Variants in ZNF160 observed in about 807,000 individuals in gnomAD.
ZNF160 encodes the protein zinc finger protein 160, also known as KRAB zinc finger protein KR18.
A neutral mutation model predicts 13.1 loss-of-function variants in ZNF160; 9 were observed. The observed-to-expected ratio is 0.69, with a 90% confidence interval of 0.41 to 1.20. The LOEUF is 1.20. ZNF160 is among the 50% of genes most tolerant of loss of function. The pLI is 0.01. For synonymous variants in ZNF160, 293 were observed against 333.2 expected, an observed-to-expected ratio of 0.88 and a Z score of 1.31; for missense variants, 838 against 988.0, an observed-to-expected ratio of 0.85 and a Z score of 2.04.
At position 53,077,817 on chromosome 19, in the gene ZNF160, G is replaced by A. The variant is rs138703981; in HGVS notation, c.16-2634C>T. ...ACAATAAGACTCCTAAAGTTGCTCA[G>A]TGTATTAAGACAGTACTCATAAACA... On this transcript the variant is annotated intron_variant, in intron 3 of 5. Coordinates refer to ENST00000683776, the MANE Select transcript of ZNF160 (RefSeq NM_001322131.2). 0.013 allele frequency among the ~76,000 whole-genome samples: 1,946 copies of A among 151,968 alleles called. 27 individuals are homozygous for A. In the Middle Eastern group the frequency reaches 0.14, roughly 11 times the overall value.
chr19:53,082,501 C>A (rs2084671067), intron 3 of ZNF160, among the ~76,000 whole-genome samples: 1 of 151,820 alleles, frequency 6.6e-6, no homozygotes, highest in Non-Finnish European at 1.5e-5. Flanking sequence ...TACAATGAAA[C>A]CTCATCTCTA....
chr19:53,070,347 A>T, intron 5 of ZNF160, 85 bp from the exon 6 acceptor site: 1 of 1,303,126 alleles, frequency 7.7e-7, no homozygotes, highest in East Asian at 2.6e-5. Context: ...TTCCACCAAA[A>T]GTAATACTTA....
Position 53,069,442 on chromosome 19 carries a change from A to T in ZNF160, c.1092T>A (p.Thr364=). Residue 364 remains threonine (T), a synonymous_variant, in exon 6 of 6, where the codon ACT becomes ACA. Transcript: ENST00000683776. This position sits in a 1 kb window ranked among gnomAD's most constrained non-coding sequence, Gnocchi z 4.4. ...SNLTTHQLIH[T]GEKPFKCNEC... is the part of the protein sequence containing the mutation. Reference sequence around the variant, plus strand: ...CATTACATTTGAACGGTTTTTCTCCAGTATGAATTAACTGATGGGTAGTTA... The same window carrying T: ...CATTACATTTGAACGGTTTTTCTCCTGTATGAATTAACTGATGGGTAGTTA... 1.1e-5 allele frequency: 18 copies of T among 1,614,120 alleles called. No homozygotes were observed. Among genetic ancestry groups the T allele is most frequent in the Non-Finnish European group, 1.5e-5 (18 of 1,180,018 alleles).
In ZNF160 at chr19:53,070,120, C is replaced by T. The variant is rs749691719; in HGVS notation, c.414G>A (p.Val138=). The T allele has an allele frequency of 6.2e-7, 1 of 1,614,120 alleles. No individual in the cohort carries two copies. Among genetic ancestry groups the T allele is most frequent in the South Asian group, 1.1e-5 (1 of 91,082 alleles). ...CTCTCCATTGACACTCAAAATCATGCACATTTTTCTGGGGTTCCTTGAAGG... is the reference window on the plus strand; with the variant it reads ...CTCTCCATTGACACTCAAAATCATGTACATTTTTCTGGGGTTCCTTGAAGG... ...DFSFKEPQKN[V]HDFECQWRDD... is the part of the protein sequence containing the mutation. Residue 138 remains valine, a synonymous_variant, in exon 6 of 6, where the codon GTG becomes GTA. Transcript: ENST00000683776.
chr19:53,071,556 A>AAAC (rs1555761937), intron 5 of ZNF160, among the ~76,000 whole-genome samples: 5 of 149,862 alleles, frequency 3.3e-5, no homozygotes, highest in African/African-American at 1.3e-4. Context: ...AAAAAAAAAA[A>AAAC]AAAGGCTGAG....
At chr19:53,100,392 C>T (rs1219202205) in intron 1 of ZNF160, among the ~76,000 whole-genome samples, 2 of 148,048 alleles carry the variant, frequency 1.4e-5, no homozygotes, top group Non-Finnish European at 1.5e-5. Context: ...GGGTGGATCA[C>T]GAGGTCAGGA....
At chr19:53,079,004 G>A (rs894785292) in intron 3 of ZNF160, among the ~76,000 whole-genome samples, 5 of 152,106 alleles carry the variant, frequency 3.3e-5, no homozygotes, top group Admixed American at 2.6e-4. Flanking sequence ...GGAAACAAAA[G>A]TGTAAGATAT....
At chr19:53,080,632 A>T (rs935503054) in intron 3 of ZNF160, among the ~76,000 whole-genome samples, 1 of 152,200 alleles carries the variant, frequency 6.6e-6, no homozygotes, top group Non-Finnish European at 1.5e-5. Flanking sequence ...AATATCAATG[A>T]AATGTCCAAA....
chr19:53,092,611 C>T (rs1444633085), intron 1 of ZNF160, among the ~76,000 whole-genome samples: 1 of 152,080 alleles, frequency 6.6e-6, no homozygotes, highest in Non-Finnish European at 1.5e-5. Flanking sequence ...ACCATGCTGG[C>T]TGGATATTCT....
chr19:53,079,245 A>C (rs1457413437), intron 3 of ZNF160, among the ~76,000 whole-genome samples: 1 of 152,116 alleles, frequency 6.6e-6, no homozygotes, highest in East Asian at 1.9e-4. Context: ...AATTCAACAT[A>C]GTTCATGATA....
At position 53,068,054 on chromosome 19, in the gene ZNF160, T is replaced by C. The variant is rs1403303346; in HGVS notation, c.*23A>G. 1.3e-6 allele frequency: 2 copies of C among 1,567,976 alleles called. No homozygotes were observed. Among genetic ancestry groups the C allele is most frequent in the Admixed American group, 1.8e-5 (1 of 55,256 alleles). On this transcript the variant is annotated 3_prime_UTR_variant, in exon 6 of 6. Transcript: ENST00000683776. ...ATTAACTGATGTGAAAGGAGTGAATTGTACCTAATGACCTCACCACACTCA... is the reference window on the plus strand; with the variant it reads ...ATTAACTGATGTGAAAGGAGTGAATCGTACCTAATGACCTCACCACACTCA...
rs574904344 is a variant in ZNF160, at chr19:53,071,837, A to G, written c.272-1575T>C. 1.1e-4 allele frequency among the ~76,000 whole-genome samples: 16 copies of G among 152,270 alleles called. No individual in the cohort carries two copies. In the East Asian group the frequency reaches 2.7e-3, roughly 26 times the overall value. On this transcript the variant is annotated intron_variant, in intron 5 of 5. Coordinates refer to ENST00000683776, the MANE Select transcript of ZNF160 (RefSeq NM_001322131.2). ...TCTCAATTGAAGAAAAATAAGTTAT[A>G]CACATTTAAAGCATATTCATTATGT...
chr19:53,081,352 C>T (rs1314900956), intron 3 of ZNF160, among the ~76,000 whole-genome samples: 1 of 152,094 alleles, frequency 6.6e-6, no homozygotes, highest in Non-Finnish European at 1.5e-5. Flanking sequence ...AAAATACTTG[C>T]AAACTACGCA....
intron 1 of ZNF160, among the ~76,000 whole-genome samples, chr19:53,092,126 A>C (rs1313269022): frequency 6.6e-6 from 1 of 152,210 alleles, no homozygotes; most frequent in Non-Finnish European, 1.5e-5. Flanking sequence ...TTCCAAAAGT[A>C]CTTGAAGAAA....
chr19:53,082,581 G>C (rs2084674203), intron 3 of ZNF160, among the ~76,000 whole-genome samples: 1 of 152,098 alleles, frequency 6.6e-6, no homozygotes, highest in Admixed American at 6.5e-5. Context: ...AAGGTGGGAG[G>C]ATCACTTGAG....
chr19:53,068,811 C>A lies in ZNF160; in HGVS notation c.1723G>T (p.Ala575Ser), dbSNP rs137886346. ...YKCNECGKVF[A>S]QTSQLARHWR... ...TGCCTTGCAAGTTGTGATGTTTGAG[C>A]GAAGACTTTACCACATTCATTACAC... Residue 575 changes from alanine (A) to serine (S), a missense_variant, in exon 6 of 6, where the codon GCT becomes TCT. Coordinates refer to ENST00000683776, the MANE Select transcript of ZNF160 (RefSeq NM_001322131.2). 3.1e-6 allele frequency: 5 copies of A among 1,612,048 alleles called. No individual in the cohort carries two copies. In the East Asian group the frequency reaches 1.1e-4, roughly 36 times the overall value.
chr19:53,100,454 C>T (rs1245787849), intron 1 of ZNF160, among the ~76,000 whole-genome samples: 2 of 151,752 alleles, frequency 1.3e-5, no homozygotes, highest in Non-Finnish European at 2.9e-5. Context: ...ACTAAAAATA[C>T]AAAAAATTTG....
intron 2 of ZNF160, among the ~76,000 whole-genome samples, chr19:53,087,272 G>A (rs1272126093): frequency 6.6e-6 from 1 of 152,184 alleles, no homozygotes; most frequent in African/African-American, 2.4e-5. Flanking sequence ...GAGGTCCTGA[G>A]GGTGCAGATC....
Position 53,068,154 on chromosome 19 carries a change from A to G in ZNF160, c.2380T>C (p.Cys794Arg), listed in dbSNP as rs1366113090. ...GAACTCTGCCTGAAGACCTTGCCAC[A>G]CTCATTACATTTGTAACGCTTTTCT... Reference protein sequence around the residue: ...TGEKRYKCNECGKVFRQSSNL... With the variant: ...TGEKRYKCNERGKVFRQSSNL... The change falls in exon 6 of 6, where the codon TGT becomes CGT. Residue 794 changes from cysteine (C) to arginine (R), a missense_variant. Coordinates refer to ENST00000683776, the MANE Select transcript of ZNF160 (RefSeq NM_001322131.2). The G allele has an allele frequency of 6.2e-7, 1 of 1,613,930 alleles. No homozygotes were observed. Among genetic ancestry groups the G allele is most frequent in the African/African-American group, 1.3e-5 (1 of 74,888 alleles).
Sources: gnomAD v4.1 joint callset for allele counts (sites outside exome capture counted in the v4.1 genomes callset) on GRCh38, gnomAD v4.1.1 for gene constraint, Gnocchi (gnomAD v3.1) non-coding constraint, MANE v1.5 for transcripts, NCBI Gene and HGNC (gene_info 2026-07-23, HGNC 2026-07-21) for gene names.